The following MBOAT1 variants were observed in gnomAD, a reference collection of about 807,000 sequenced individuals.
The protein encoded by MBOAT1 is membrane-bound glycerophospholipid O-acyltransferase 1.
A neutral mutation model predicts 64.4 loss-of-function variants in MBOAT1; 67 were observed. The observed-to-expected ratio is 1.04, with a 90% CI of 0.85 to 1.27. MBOAT1 has a LOEUF of 1.27. Among genes scored for constraint, MBOAT1 ranks in the 50% most tolerant of loss-of-function variants. The pLI is 0.00. For synonymous variants in MBOAT1, 229 were observed against 218.9 expected (o/e 1.05, Z -0.41); for missense variants, 563 against 604.6 (o/e 0.93, Z 0.72).
In MBOAT1 at chr6:20,124,517, G is replaced by C; in HGVS notation, c.798C>G (p.Cys266Trp). ...LTLTKTFPVT[C>W]LVDDWFVHKA... ...TATGGACAAACCAGTCATCCACAAG[G>C]CAGGTGACAGGAAAGGTCTTCGTTA... The change falls in exon 8 of 13, where the codon TGC (cysteine) becomes TGG (tryptophan). Residue 266 changes from cysteine (C) to tryptophan (W), a missense_variant. Cys to Trp is a radical substitution (Grantham distance 215). Transcript: ENST00000324607. 6.2e-7 allele frequency: 1 copy of C among 1,614,186 alleles called. No individual in the cohort carries two copies. The highest frequency in any genetic ancestry group is 1.1e-5 in the South Asian group (1 of 91,068).
intron 1 of MBOAT1, among the ~76,000 whole-genome samples, chr6:20,198,439 A>G (rs1162108790): frequency 6.6e-6 from 1 of 151,992 alleles, no homozygotes; most frequent in Non-Finnish European, 1.5e-5. Context: ...CAAGTACAAG[A>G]CCCTCTTCAG....
At position 20,192,995 on chromosome 6, in the gene MBOAT1, C is replaced by CTTTTTTTT. The variant is rs1174816793; in HGVS notation, c.99+19133_99+19140dup. Among the ~76,000 whole-genome samples the CTTTTTTTT allele has an allele frequency of 1.9e-3, 107 of 55,038 alleles. 22 individuals are homozygous for CTTTTTTTT. The highest frequency in any genetic ancestry group is 2.1e-3 in the Non-Finnish European group (61 of 29,080). 36.1% of individuals were successfully genotyped at this position (55,038 alleles called of 152,430 possible). A position where few individuals can be genotyped will look rare whatever the true frequency, so the allele number is the denominator to read the frequency against. ...TTATTCAGCTGGTATGCTATAATTT[C>CTTTTTTTT]TTTTTTTTTTTTTTTTTTTTTTTTT... On this transcript the variant is annotated intron_variant, in intron 1 of 12. Coordinates refer to ENST00000324607, the MANE Select transcript of MBOAT1 (RefSeq NM_001080480.3).
chr6:20,180,470 A>C (rs1762477283), intron 1 of MBOAT1, among the ~76,000 whole-genome samples: 1 of 151,884 alleles, frequency 6.6e-6, no homozygotes, highest in Non-Finnish European at 1.5e-5. Flanking sequence ...CTGAGGGCCT[A>C]CCCAGTGGGG....
intron 1 of MBOAT1, among the ~76,000 whole-genome samples, chr6:20,193,430 T>C (rs563329511): frequency 6.6e-6 from 1 of 152,142 alleles, no homozygotes; most frequent in Non-Finnish European, 1.5e-5. Context: ...ATTTCCAAGG[T>C]CGGAACTTAA....
intron 1 of MBOAT1, among the ~76,000 whole-genome samples, chr6:20,181,761 G>A (rs1762516969): frequency 1.3e-5 from 2 of 152,246 alleles, no homozygotes; most frequent in Admixed American, 1.3e-4. Flanking sequence ...ATGAGGGAGG[G>A]ATCGTTCTAA....
intron 12 of MBOAT1, among the ~76,000 whole-genome samples, chr6:20,107,326 G>T (rs181256624): frequency 1.3e-5 from 2 of 152,176 alleles, no homozygotes; most frequent in Non-Finnish European, 2.9e-5. Context: ...CACTATGGGG[G>T]GCTACATGAC....
At chr6:20,129,169 T>A (rs1204259088) in intron 5 of MBOAT1, among the ~76,000 whole-genome samples, 1 of 152,156 alleles carries the variant, frequency 6.6e-6, no homozygotes, top group Non-Finnish European at 1.5e-5. Flanking sequence ...TGCAGACACT[T>A]ACTACAAGCT....
At chr6:20,195,877 C>T (rs1762941886) in intron 1 of MBOAT1, among the ~76,000 whole-genome samples, 1 of 152,112 alleles carries the variant, frequency 6.6e-6, no homozygotes, top group South Asian at 2.1e-4. Context: ...TCCAGGTGAC[C>T]TAGAGTTTGG....
intron 11 of MBOAT1, 152 bp downstream of exon 11, chr6:20,112,724 T>A: frequency 1.3e-6 from 1 of 786,428 alleles, no homozygotes; most frequent in Non-Finnish European, 2.0e-6. Context: ...AGTATTTCTC[T>A]AATGGGAAGA....
intron 1 of MBOAT1, among the ~76,000 whole-genome samples, chr6:20,186,257 T>C (rs990849217): frequency 1.3e-5 from 2 of 152,200 alleles, no homozygotes; most frequent in Non-Finnish European, 2.9e-5. Flanking sequence ...AAAGCCAAAG[T>C]CTTGCTTATA....
At chr6:20,182,495 T>C (rs548591894) in intron 1 of MBOAT1, among the ~76,000 whole-genome samples, 1 of 152,288 alleles carries the variant, frequency 6.6e-6, no homozygotes, top group South Asian at 2.1e-4. Flanking sequence ...ATTAAGGACC[T>C]CTCATTTCTG....
chr6:20,122,820 C>T (rs1247503212), intron 8 of MBOAT1, among the ~76,000 whole-genome samples: 1 of 149,844 alleles, frequency 6.7e-6, no homozygotes, highest in Non-Finnish European at 1.5e-5. Context: ...ATGTATTTTG[C>T]CACAATGAAA....
intron 1 of MBOAT1, among the ~76,000 whole-genome samples, chr6:20,154,164 A>G (rs1231028732): frequency 1.3e-5 from 2 of 152,238 alleles, no homozygotes; most frequent in Non-Finnish European, 2.9e-5. Flanking sequence ...TTGCCCAGTG[A>G]AAAACAATAC....
chr6:20,179,921 G>GC (rs1762464354), intron 1 of MBOAT1, among the ~76,000 whole-genome samples: 1 of 99,302 alleles, frequency 1.0e-5, no homozygotes, highest in African/African-American at 4.0e-5. Flanking sequence ...GTGATGTTGA[G>GC]CTTTTTTTCA....
intron 5 of MBOAT1, among the ~76,000 whole-genome samples, chr6:20,130,039 C>A (rs917758380): frequency 6.6e-6 from 1 of 152,122 alleles, no homozygotes; most frequent in Non-Finnish European, 1.5e-5. Flanking sequence ...TAAATCAGTT[C>A]ACAAGCTTTA....
intron 1 of MBOAT1, among the ~76,000 whole-genome samples, chr6:20,180,723 A>G (rs1762483907): frequency 6.6e-6 from 1 of 152,166 alleles, no homozygotes; most frequent in Non-Finnish European, 1.5e-5. Flanking sequence ...ATTTGACACC[A>G]TCTCTCTATT....
At position 20,109,722 on chromosome 6, in the gene MBOAT1, G is replaced by C. The variant is rs1395676527; in HGVS notation, c.1237C>G (p.Leu413Val). ...AVRNNYRHYF[L>V]SSRALKAVYD... is the part of the protein sequence containing the mutation. ...ACAGCCTTGAGAGCTCTTGAAGAAA[G>C]GAAGTAATGTCTGTAGTTGTTCCTG... The change falls in exon 12 of 13, where the codon CTT becomes GTT. Residue 413 changes from leucine (L) to valine (V), a missense_variant. By Grantham distance (32) the Leu-to-Val change is conservative (BLOSUM62 1). Coordinates refer to ENST00000324607, the MANE Select transcript of MBOAT1 (RefSeq NM_001080480.3). 4 of 1,614,002 alleles carry C rather than the reference G, an allele frequency of 2.5e-6. No homozygotes were observed. Among genetic ancestry groups the C allele is most frequent in the Admixed American group, 1.7e-5 (1 of 60,018 alleles).
chr6:20,180,505 G>A (rs984525775), intron 1 of MBOAT1, among the ~76,000 whole-genome samples: 28 of 152,040 alleles, frequency 1.8e-4, no homozygotes, highest in African/African-American at 4.1e-4. Flanking sequence ...CGGACAGCTC[G>A]CTAACCCCTT....
chr6:20,155,911 G>A (rs1040462951), intron 1 of MBOAT1, among the ~76,000 whole-genome samples: 1 of 152,136 alleles, frequency 6.6e-6, no homozygotes, highest in South Asian at 2.1e-4. Context: ...TTTTGGTGGA[G>A]CCCAAAGTGC....
Sources: allele counts gnomAD v4.1 joint callset (sites outside exome capture counted in the v4.1 genomes callset), GRCh38; gene constraint gnomAD v4.1.1; transcripts MANE v1.5; gene names NCBI Gene and HGNC (gene_info 2026-07-23, HGNC 2026-07-21).